Variants in ANKFY1 observed in about 807,000 individuals in gnomAD.
The protein encoded by ANKFY1 is ankyrin repeat and FYVE domain-containing protein 1.
Under a neutral mutation model 128.3 loss-of-function variants are expected in ANKFY1, and 47 were observed. That is an observed-to-expected ratio of 0.37 (90% CI 0.29 to 0.47). The LOEUF (loss-of-function observed/expected upper bound fraction) is 0.47. Ranked by LOEUF, ANKFY1 falls within the 20% of genes least tolerant of loss-of-function variation. The pLI is 1.00. For missense variants in ANKFY1, 1,222 were observed against 1,510.6 expected, an observed-to-expected ratio of 0.81 and a Z score of 3.17; for synonymous variants, 553 against 601.6, an observed-to-expected ratio of 0.92 and a Z score of 1.18.
chr17:4,168,105 T>A, intron 24 of ANKFY1, 194 bp from the exon 25 acceptor site: 1 of 496,904 alleles, frequency 2.0e-6, no homozygotes, highest in Non-Finnish European at 3.5e-6. Context: ...CTCTAGTCAA[T>A]CATCAAGTTA....
At chr17:4,190,024 G>A (rs1460642691) in intron 10 of ANKFY1, among the ~76,000 whole-genome samples, 3 of 152,210 alleles carry the variant, frequency 2.0e-5, no homozygotes, top group African/African-American at 7.2e-5. Context: ...GTGGGTTAGA[G>A]CAAGATTTCT....
chr17:4,251,280 G>C (rs995316335), intron 1 of ANKFY1, among the ~76,000 whole-genome samples: 1 of 151,916 alleles, frequency 6.6e-6, no homozygotes, highest in Non-Finnish European at 1.5e-5. Context: ...ATATCTAAAC[G>C]TAAGGGTTAA....
At position 4,222,947 on chromosome 17, in the gene ANKFY1, C is replaced by T. The variant is rs922383022; in HGVS notation, c.323-5829G>A. 8.8e-6 allele frequency: 11 copies of T among 1,244,804 alleles called. No homozygotes were observed. The Admixed American group carries it at 1.4e-4, about 15-fold the overall frequency. 77.1% of individuals were successfully genotyped at this position (1,244,804 alleles called of 1,614,324 possible). A position where few individuals can be genotyped will look rare whatever the true frequency, so the allele number is the denominator to read the frequency against. The stretch of plus-strand genomic sequence containing the variant: ...ATCCTACCTTGCGGATAGAGAAGAA[C>T]GACTTGAGAAGTGTCACTCTTTTGG... On this transcript the variant is annotated intron_variant, in intron 3 of 24. Transcript: ENST00000341657.
chr17:4,260,660 G>C (rs561031834), intron 1 of ANKFY1, among the ~76,000 whole-genome samples: 1 of 142,672 alleles, frequency 7.0e-6, no homozygotes, highest in African/African-American at 2.6e-5. Flanking sequence ...ATGAAGCTTA[G>C]ATTAAGCAGG....
chr17:4,215,688 G>A (rs1413132189), intron 4 of ANKFY1, among the ~76,000 whole-genome samples: 3 of 152,016 alleles, frequency 2.0e-5, no homozygotes, highest in African/African-American at 7.3e-5. Context: ...AAGCCTACTC[G>A]GTCAACAAAC....
chr17:4,205,059 T>C (rs1567941582), intron 7 of ANKFY1, among the ~76,000 whole-genome samples: 1 of 152,148 alleles, frequency 6.6e-6, no homozygotes, highest in Non-Finnish European at 1.5e-5. Flanking sequence ...TTCCACCAAC[T>C]AGGAGCAATT....
intron 1 of ANKFY1, among the ~76,000 whole-genome samples, chr17:4,257,906 C>T (rs1359329810): frequency 6.6e-6 from 1 of 152,242 alleles, no homozygotes; most frequent in Non-Finnish European, 1.5e-5. Flanking sequence ...AGCAATTTCT[C>T]ATTTGGTTCA....
chr17:4,243,419 A>G (rs1185963994), intron 1 of ANKFY1, among the ~76,000 whole-genome samples: 1 of 150,766 alleles, frequency 6.6e-6, no homozygotes, highest in African/African-American at 2.4e-5. Context: ...GGCTAGACTC[A>G]AACTCCTGGA....
chr17:4,218,946 C>T (rs2060265444), intron 3 of ANKFY1, among the ~76,000 whole-genome samples: 1 of 151,892 alleles, frequency 6.6e-6, no homozygotes, highest in Admixed American at 6.6e-5. Flanking sequence ...TGCATGCATA[C>T]ATATATATAT....
At chr17:4,214,012 C>T (rs529106910) in intron 4 of ANKFY1, among the ~76,000 whole-genome samples, 1 of 152,326 alleles carries the variant, frequency 6.6e-6, no homozygotes, top group South Asian at 2.1e-4. Context: ...AACCTCTTTT[C>T]AGATAGCTTT....
chr17:4,225,746 T>C (rs2060414176), intron 3 of ANKFY1, among the ~76,000 whole-genome samples: 1 of 151,962 alleles, frequency 6.6e-6, no homozygotes, highest in Admixed American at 6.6e-5. Flanking sequence ...ATGGCTTCGG[T>C]GTGTGTGTAT....
At chr17:4,183,577 C>G (rs2059555022) in intron 13 of ANKFY1, 26 bp from the exon 14 acceptor site, 3 of 1,605,888 alleles carry the variant, frequency 1.9e-6, no homozygotes, top group Admixed American at 3.3e-5. Context: ...CGATCTCATC[C>G]AGGCTCGGCT....
intron 22 of ANKFY1, among the ~76,000 whole-genome samples, chr17:4,171,687 T>TGCTC (rs2059323314): frequency 6.6e-6 from 1 of 152,194 alleles, no homozygotes; most frequent in African/African-American, 2.4e-5. Context: ...GAGTACGTGC[T>TGCTC]GCTCACTCCC....
intron 3 of ANKFY1, among the ~76,000 whole-genome samples, chr17:4,218,194 C>T (rs927088462): frequency 2.0e-5 from 3 of 152,142 alleles, no homozygotes; most frequent in Non-Finnish European, 4.4e-5. Flanking sequence ...CATAACCTTT[C>T]ACACAGCAAC....
rs1408545277 is a variant in ANKFY1 at position 4,166,514 on chromosome 17, T to C, written c.*1265A>G. 1.3e-5 allele frequency: 2 copies of C among 152,488 alleles called. No individual in the cohort carries two copies. Among genetic ancestry groups the C allele is most frequent in the Admixed American group, 6.6e-5 (1 of 15,242 alleles). The allele number at this position is 152,488 out of a possible 1,614,324, so 9.4% of individuals were successfully genotyped here. The stretch of plus-strand genomic sequence containing the variant: ...ACCTTCAAAAGAAAAGTTTAACACC[T>C]CACGGTTAATATATGTACTAACAGC... On this transcript the variant is annotated 3_prime_UTR_variant, in exon 25 of 25. Transcript: ENST00000341657.
Position 4,179,019 on chromosome 17 carries a change from G to A in ANKFY1, c.2436C>T (p.Ser812=), listed in dbSNP as rs753154545. The change falls in exon 18 of 25, where the codon AGC becomes AGT. Residue 812 remains serine (S), a synonymous_variant. Transcript: ENST00000341657. The stretch of plus-strand genomic sequence containing the variant: ...GCTGAATGATGACACCGTGTTGGCT[G>A]CTGATGGCCACGTGGATGGGGGTTC... The part of the protein sequence containing the change: ...EGRTPIHVAI[S]SQHGVIIQLL... The A allele has an allele frequency of 3.7e-6, 6 of 1,614,098 alleles. No homozygotes were observed. The highest frequency in any genetic ancestry group is 2.2e-5 in the East Asian group (1 of 44,900).
In ANKFY1 at chr17:4,183,533, G is replaced by A. The variant is rs1038863438; in HGVS notation, c.1817C>T (p.Ala606Val). 1.2e-6 allele frequency: 2 copies of A among 1,612,448 alleles called. No individual in the cohort carries two copies. Residue 606 changes from alanine to valine, a missense_variant, in exon 14 of 25, where the codon GCC becomes GTC. Coordinates refer to ENST00000341657, the MANE Select transcript of ANKFY1 (RefSeq NM_001330063.2). ...ALWTGMHTIA[A>V]QLLGSGAAIN... is the part of the protein sequence containing the mutation. ...GGCGGCTCCAGAGCCCAGCAGCTGG[G>A]CTGCGATCGTGTGCATGCCTGGGAA...
rs1168991127 is a variant in ANKFY1 at position 4,217,042 on chromosome 17, C to T, written c.399G>A (p.Val133=). Residue 133 remains valine, a synonymous_variant, in exon 4 of 25, where the codon GTG becomes GTA. Coordinates refer to ENST00000341657, the MANE Select transcript of ANKFY1 (RefSeq NM_001330063.2). The part of the protein sequence containing the change: ...TDELEFREDD[V]FLTELMKLAN... Reference sequence around the variant, plus strand: ...CTAGTTTCATCAGTTCAGTCAGGAACACATCATCCTCTCTGAACTCCAGCT... The same window carrying T: ...CTAGTTTCATCAGTTCAGTCAGGAATACATCATCCTCTCTGAACTCCAGCT... 6.2e-7 allele frequency: 1 copy of T among 1,614,154 alleles called. No individual in the cohort carries two copies. Among genetic ancestry groups the T allele is most frequent in the Admixed American group, 1.7e-5 (1 of 60,030 alleles).
At chr17:4,173,786 T>G in intron 20 of ANKFY1, 123 bp downstream of exon 20, 8 of 1,332,520 alleles carry the variant, frequency 6.0e-6, no homozygotes, top group Middle Eastern at 2.2e-4. Flanking sequence ...GAGCACTTCC[T>G]GTCACAGCTT....
Sources: allele counts gnomAD v4.1 joint callset (sites outside exome capture counted in the v4.1 genomes callset), GRCh38; gene constraint gnomAD v4.1.1; transcripts MANE v1.5; gene names NCBI Gene and HGNC (gene_info 2026-07-23, HGNC 2026-07-21).